Variants in RPSA2 observed in about 807,000 individuals in gnomAD.
The protein encoded by RPSA2 is small ribosomal subunit protein uS2B.
chr19:23,766,142 C>CTTTTT, the RPSA2 span, among the ~76,000 whole-genome samples: 397 of 43,278 alleles, frequency 9.2e-3, 117 homozygotes, highest in Non-Finnish European at 0.011. Flanking sequence ...TATTTCATTT[C>CTTTTT]CTTTTTTTTT....
At chr19:23,850,521 A>C in the RPSA2 span, among the ~76,000 whole-genome samples, 4 of 148,706 alleles carry the variant, frequency 2.7e-5, no homozygotes, top group African/African-American at 5.0e-5. Flanking sequence ...CACAGATCTC[A>C]CCAGGTATGA....
At chr19:23,821,034 G>T in the RPSA2 span, among the ~76,000 whole-genome samples, 2 of 152,184 alleles carry the variant, frequency 1.3e-5, no homozygotes, top group African/African-American at 2.4e-5. Context: ...TGATTGAATT[G>T]GGAGCAAAAT....
chr19:23,854,533 G>C, the RPSA2 span, among the ~76,000 whole-genome samples: 1 of 152,150 alleles, frequency 6.6e-6, no homozygotes, highest in Non-Finnish European at 1.5e-5. Context: ...CCTGGGACTG[G>C]CCCTGCTTTC....
the RPSA2 span, among the ~76,000 whole-genome samples, chr19:23,861,467 A>G: frequency 2.6e-5 from 4 of 152,068 alleles, no homozygotes; most frequent in Admixed American, 2.6e-4. Context: ...ATCTCCCCCC[A>G]TGTGAAAGAC....
the RPSA2 span, among the ~76,000 whole-genome samples, chr19:23,852,099 C>T: frequency 5.8e-4 from 89 of 152,246 alleles, 2 homozygotes; most frequent in Admixed American, 5.6e-3. Context: ...AAACTAGAAG[C>T]TGAAAAGGCT....
the RPSA2 span, among the ~76,000 whole-genome samples, chr19:23,841,260 C>G: frequency 6.6e-6 from 1 of 151,956 alleles, no homozygotes; most frequent in African/African-American, 2.4e-5. Flanking sequence ...GTCAGGAGAT[C>G]GAGACCATCC....
chr19:23,802,937 T>G, the RPSA2 span, among the ~76,000 whole-genome samples: 1 of 152,210 alleles, frequency 6.6e-6, no homozygotes, highest in African/African-American at 2.4e-5. Flanking sequence ...GAGTTATTAT[T>G]TGCATTTTTT....
the RPSA2 span, chr19:23,808,651 A>G: frequency 2.1e-6 from 1 of 468,122 alleles, no homozygotes; most frequent in East Asian, 5.9e-5. Flanking sequence ...CTCTTTACTG[A>G]ACACATTACT....
At chr19:23,826,773 C>T in the RPSA2 span, among the ~76,000 whole-genome samples, 59 of 152,210 alleles carry the variant, frequency 3.9e-4, 2 homozygotes, top group Middle Eastern at 6.8e-3. Flanking sequence ...GCAACCTCTG[C>T]CTCCTGGGTT....
chr19:23,806,728 T>A, the RPSA2 span, among the ~76,000 whole-genome samples: 1 of 137,280 alleles, frequency 7.3e-6, no homozygotes, highest in Non-Finnish European at 1.5e-5. Context: ...GAGGTTGCAG[T>A]GAGCCAAGAT....
chr19:23,824,552 T>A, the RPSA2 span, among the ~76,000 whole-genome samples: 4 of 148,264 alleles, frequency 2.7e-5, no homozygotes, highest in Non-Finnish European at 4.5e-5. Flanking sequence ...ATTTTATTTT[T>A]AAGCAAAATT....
chr19:23,775,197 G>C, the RPSA2 span, among the ~76,000 whole-genome samples: 1 of 152,190 alleles, frequency 6.6e-6, no homozygotes, highest in Non-Finnish European at 1.5e-5. Context: ...CACTTTGCCA[G>C]TTGTTAAGAT....
At chr19:23,864,228 C>T in the RPSA2 span, among the ~76,000 whole-genome samples, 2 of 152,210 alleles carry the variant, frequency 1.3e-5, no homozygotes, top group African/African-American at 2.4e-5. Context: ...CAACGCATGG[C>T]CTGCCTTACC....
chr19:23,783,646 C>A, the RPSA2 span, among the ~76,000 whole-genome samples: 17 of 151,960 alleles, frequency 1.1e-4, no homozygotes, highest in South Asian at 4.2e-4. Flanking sequence ...TGTGACATAT[C>A]ACTGAAGCAA....
At chr19:23,820,591 C>T in the RPSA2 span, among the ~76,000 whole-genome samples, 4 of 152,140 alleles carry the variant, frequency 2.6e-5, no homozygotes, top group Non-Finnish European at 5.9e-5. Context: ...TTCTGGTGTC[C>T]TTTATAGTGC....
At chr19:23,807,739 T>A in the RPSA2 span, 290,473 of 294,018 alleles carry the variant, frequency 0.99, 143,597 homozygotes, top group East Asian at 1. Context: ...AACCAGTTTT[T>A]TTTACTCTCT....
the RPSA2 span, among the ~76,000 whole-genome samples, chr19:23,774,272 ACT>A: frequency 2.6e-5 from 4 of 152,040 alleles, no homozygotes; most frequent in Admixed American, 2.0e-4. Flanking sequence ...GCTGGGTCCG[ACT>A]CTCTGGTATA....
At chr19:23,785,838 G>T in the RPSA2 span, among the ~76,000 whole-genome samples, 1 of 152,138 alleles carries the variant, frequency 6.6e-6, no homozygotes, top group Admixed American at 6.5e-5. Flanking sequence ...TAGGCCTAGG[G>T]TAATGATTAA....
the RPSA2 span, among the ~76,000 whole-genome samples, chr19:23,809,931 A>G: frequency 6.6e-6 from 1 of 152,158 alleles, no homozygotes; most frequent in East Asian, 1.9e-4. Flanking sequence ...AAAGGAGCAA[A>G]CACCTCTTCA....
Sources: allele counts gnomAD v4.1 joint callset (sites outside exome capture counted in the v4.1 genomes callset), GRCh38; gene constraint gnomAD v4.1.1; transcripts MANE v1.5; gene names NCBI Gene and HGNC (gene_info 2026-07-23, HGNC 2026-07-21).